BMERB1: variants seen among roughly 807,000 people sequenced by gnomAD.
The protein encoded by BMERB1 is bMERB domain-containing protein 1.
Under a neutral mutation model 23.6 loss-of-function variants are expected in BMERB1, and 12 were observed. The ratio of observed to expected loss-of-function variants is 0.51; its 90% CI spans 0.33 to 0.82. The LOEUF (loss-of-function observed/expected upper bound fraction) is 0.82, where lower values mean the gene tolerates loss of function less well. Among genes scored for constraint, BMERB1 ranks in the 40% least tolerant of loss-of-function variants. The pLI, the probability that BMERB1 is intolerant of heterozygous loss-of-function variation, is 0.03. For missense variants in BMERB1, 247 were observed against 255.4 expected (o/e 0.97, Z 0.22); for synonymous variants, 122 against 96.6 (o/e 1.26, Z -1.54).
chr16:15,540,225 C>T (rs2052065607), intron 2 of BMERB1, among the ~76,000 whole-genome samples: 1 of 151,834 alleles, frequency 6.6e-6, no homozygotes, highest in African/African-American at 2.4e-5. Context: ...AGAGAATCAA[C>T]ATAAAGAAAA....
chr16:15,566,854 G>A (rs1205869812), intron 2 of BMERB1, among the ~76,000 whole-genome samples: 1 of 151,966 alleles, frequency 6.6e-6, no homozygotes, highest in Non-Finnish European at 1.5e-5. Context: ...TAACAATGGT[G>A]TCATATATGA....
intron 3 of BMERB1, 86 bp from the exon 4 acceptor site, chr16:15,581,130 TG>T: frequency 1.1e-6 from 1 of 905,384 alleles, no homozygotes. Context: ...TTGACCAGGC[TG>T]GTCTGAAACT....
chr16:15,560,361 G>A (rs925867493), intron 2 of BMERB1, among the ~76,000 whole-genome samples: 3 of 152,214 alleles, frequency 2.0e-5, no homozygotes, highest in East Asian at 1.9e-4. Flanking sequence ...CAGAACCCTC[G>A]GAGTAGAAGT....
At chr16:15,537,812 C>G (rs1158058821) in intron 2 of BMERB1, among the ~76,000 whole-genome samples, 6 of 151,992 alleles carry the variant, frequency 3.9e-5, no homozygotes, top group Admixed American at 2.6e-4. Context: ...CACATGCCAC[C>G]ATGCCTGGCC....
chr16:15,585,215 T>A (rs922855317), intron 5 of BMERB1, among the ~76,000 whole-genome samples: 4 of 152,038 alleles, frequency 2.6e-5, no homozygotes, highest in Admixed American at 2.0e-4. Context: ...AAAGGCAAGG[T>A]AGAAAAACTC....
At chr16:15,454,440 A>G (rs982363415) in intron 1 of BMERB1, among the ~76,000 whole-genome samples, 11 of 152,218 alleles carry the variant, frequency 7.2e-5, no homozygotes, top group Admixed American at 5.2e-4. Flanking sequence ...ATTACAGCAC[A>G]GACCAGCCTG....
intron 1 of BMERB1, among the ~76,000 whole-genome samples, chr16:15,448,649 G>C (rs2051012122): frequency 6.6e-6 from 1 of 152,122 alleles, no homozygotes; most frequent in Non-Finnish European, 1.5e-5. Context: ...AAAATTAGCT[G>C]GGCATGGTGG....
rs551130097 is a variant in BMERB1 at position 15,508,812 on chromosome 16, C to T, written c.107-6493C>T. Among the ~76,000 whole-genome samples, 7 of 132,076 alleles carry T rather than the reference C, an allele frequency of 5.3e-5. No homozygotes were observed. The South Asian group carries it at 7.0e-4, about 13-fold the overall frequency. The allele number at this position is 132,076 out of a possible 152,430, so 86.6% of individuals were successfully genotyped here. A position where few individuals can be genotyped will look rare whatever the true frequency, so the allele number is the denominator to read the frequency against. On this transcript the variant is annotated intron_variant, in intron 1 of 5. Transcript: ENST00000300006. Reference sequence around the variant, plus strand: ...CTGCAATCCAGCCTGGAAGACAGAGCGAGACCCTGCCCCACCAAAAAAAAA... The same window carrying T: ...CTGCAATCCAGCCTGGAAGACAGAGTGAGACCCTGCCCCACCAAAAAAAAA...
At chr16:15,562,378 T>TG (rs2030448121) in intron 2 of BMERB1, among the ~76,000 whole-genome samples, 1 of 151,962 alleles carries the variant, frequency 6.6e-6, no homozygotes, top group Non-Finnish European at 1.5e-5. Flanking sequence ...CACTGTACCA[T>TG]GGCCCTTTGA....
intron 1 of BMERB1, among the ~76,000 whole-genome samples, chr16:15,440,709 G>A (rs1364669656): frequency 6.6e-6 from 1 of 152,132 alleles, no homozygotes; most frequent in Non-Finnish European, 1.5e-5. Context: ...TCCATAAATA[G>A]GTACTGAGTG....
chr16:15,561,375 T>C (rs796485875), intron 2 of BMERB1, among the ~76,000 whole-genome samples: 15 of 149,500 alleles, frequency 1.0e-4, no homozygotes, highest in African/African-American at 3.5e-4. Flanking sequence ...TTCAAGCGAT[T>C]CTCCTGCTTC....
At chr16:15,567,428 G>T (rs1280291794) in intron 2 of BMERB1, among the ~76,000 whole-genome samples, 2 of 152,060 alleles carry the variant, frequency 1.3e-5, no homozygotes, top group Non-Finnish European at 2.9e-5. Context: ...ATGAAGACTG[G>T]AAGGAGCTCT....
Position 15,468,934 on chromosome 16 carries a change from G to A in BMERB1, c.106+34175G>A, listed in dbSNP as rs153810. Among the ~76,000 whole-genome samples, 819 of 149,806 alleles carry A rather than the reference G, an allele frequency of 5.5e-3. 4 individuals carry two copies. The highest frequency in any genetic ancestry group is 9.1e-3 in the Non-Finnish European group (617 of 67,652). The stretch of plus-strand genomic sequence containing the variant: ...TTGTCCAGTATTGTTTGTTGAAAAG[G>A]CTTGACTTCCTCCAATAAATCATCT... On this transcript the variant is annotated intron_variant, in intron 1 of 5. Coordinates refer to ENST00000300006, the MANE Select transcript of BMERB1 (RefSeq NM_033201.3).
At chr16:15,578,169 ATC>A (rs1398995181) in intron 3 of BMERB1, among the ~76,000 whole-genome samples, 2 of 149,906 alleles carry the variant, frequency 1.3e-5, no homozygotes, top group Admixed American at 6.6e-5. Flanking sequence ...CACCACTTCA[ATC>A]TCTGCCTCCA....
At chr16:15,445,890 A>G (rs1008944055) in intron 1 of BMERB1, among the ~76,000 whole-genome samples, 1 of 152,210 alleles carries the variant, frequency 6.6e-6, no homozygotes, top group Non-Finnish European at 1.5e-5. Flanking sequence ...TGGTATAATC[A>G]TACAACAGAA....
intron 1 of BMERB1, among the ~76,000 whole-genome samples, chr16:15,474,234 T>G (rs1184583602): frequency 6.6e-6 from 1 of 152,140 alleles, no homozygotes; most frequent in Non-Finnish European, 1.5e-5. Context: ...TTTATCTTAT[T>G]TGGGATTTTC....
intron 1 of BMERB1, among the ~76,000 whole-genome samples, chr16:15,501,489 T>C (rs2051529827): frequency 6.6e-6 from 1 of 151,902 alleles, no homozygotes; most frequent in Non-Finnish European, 1.5e-5. Context: ...TTGTTGTTCT[T>C]GTTGAGACAG....
intron 1 of BMERB1, among the ~76,000 whole-genome samples, chr16:15,455,072 A>T (rs896342692): frequency 6.6e-6 from 1 of 152,086 alleles, no homozygotes; most frequent in African/African-American, 2.4e-5. Flanking sequence ...GTGGTGGCTC[A>T]TGCCTGTAAT....
chr16:15,454,036 G>A (rs149730917), intron 1 of BMERB1, among the ~76,000 whole-genome samples: 74 of 152,054 alleles, frequency 4.9e-4, no homozygotes, highest in African/African-American at 1.7e-3. Flanking sequence ...TTGTACTTTG[G>A]GATCTGGTCT....
Sources: allele counts gnomAD v4.1 joint callset (sites outside exome capture counted in the v4.1 genomes callset), GRCh38; gene constraint gnomAD v4.1.1; transcripts MANE v1.5; gene names NCBI Gene and HGNC (gene_info 2026-07-23, HGNC 2026-07-21).